Variants in PIP5K1C observed in about 807,000 individuals in gnomAD.
The protein encoded by PIP5K1C is phosphatidylinositol-4-phosphate 5-kinase type 1 gamma.
A neutral mutation model predicts 80.1 loss-of-function variants in PIP5K1C; 45 were observed. The ratio of observed to expected loss-of-function variants is 0.56; its 90% CI spans 0.44 to 0.72. The LOEUF is 0.72. Among genes scored for constraint, PIP5K1C ranks in the 30% least tolerant of loss-of-function variants. PIP5K1C has a pLI of 0.00. For missense variants in PIP5K1C, 753 were observed against 954.6 expected (o/e 0.79, Z 2.78); for synonymous variants, 498 against 420.1 (o/e 1.19, Z -2.27).
chr19:3,661,298 A>G (rs921622494), intron 4 of PIP5K1C, among the ~76,000 whole-genome samples: 11 of 141,132 alleles, frequency 7.8e-5, no homozygotes, highest in Non-Finnish European at 7.8e-5. Context: ...AACGGGGCCC[A>G]CAGTGTTGGC....
chr19:3,682,781 G>A lies in PIP5K1C; in HGVS notation c.95-15428C>T, dbSNP rs369247817. On this transcript the variant is annotated intron_variant, in intron 1 of 17. Transcript: ENST00000335312. ...TTGAGCCTTCAGAGGAGGCAGTCCC[G>A]GCTGACAGCTTCACCACAGCCTCAT... is the stretch of plus-strand genomic sequence containing the variant. 3.2e-4 allele frequency among the ~76,000 whole-genome samples: 49 copies of A among 152,274 alleles called. No individual in the cohort carries two copies. In the East Asian group the frequency reaches 8.1e-3, roughly 25 times the overall value.
intron 1 of PIP5K1C, chr19:3,672,465 A>G (rs1196240119): frequency 6.6e-6 from 1 of 152,358 alleles, no homozygotes; most frequent in Non-Finnish European, 1.5e-5. Flanking sequence ...TGACCCATGG[A>G]CTGACAGATA....
At chr19:3,640,515 C>T (rs905568499) in intron 15 of PIP5K1C, among the ~76,000 whole-genome samples, 2 of 152,066 alleles carry the variant, frequency 1.3e-5, no homozygotes, top group African/African-American at 4.8e-5. Flanking sequence ...GATTCTGTCT[C>T]AAAGAAAATA....
intron 1 of PIP5K1C, among the ~76,000 whole-genome samples, chr19:3,683,509 C>T (rs2035654316): frequency 6.6e-6 from 1 of 152,242 alleles, no homozygotes; most frequent in Non-Finnish European, 1.5e-5. Context: ...ATGAGAACCC[C>T]ATGGCTTAGT....
At position 3,651,140 on chromosome 19, in the gene PIP5K1C, C is replaced by T. The variant is rs139253844; in HGVS notation, c.1127+686G>A. 6.5e-3 allele frequency among the ~76,000 whole-genome samples: 981 copies of T among 151,364 alleles called. 20 individuals are homozygous for T. The highest frequency in any genetic ancestry group is 0.023 in the African/African-American group (928 of 41,192). On this transcript the variant is annotated intron_variant, in intron 8 of 17. Coordinates refer to ENST00000335312, the MANE Select transcript of PIP5K1C (RefSeq NM_012398.3). The stretch of plus-strand genomic sequence containing the variant: ...TGTGATCTTGGCTCACTGCAACCTC[C>T]GCCTGCCACGCTCACGCCTGCCACG...
At chr19:3,676,242 C>A (rs958930409) in intron 1 of PIP5K1C, among the ~76,000 whole-genome samples, 1 of 152,174 alleles carries the variant, frequency 6.6e-6, no homozygotes, top group Non-Finnish European at 1.5e-5. Flanking sequence ...TGGTCCCCAC[C>A]GGGAAGTGAT....
chr19:3,667,297 C>T (rs749579794), intron 2 of PIP5K1C, 25 bp downstream of exon 2: 11 of 1,609,606 alleles, frequency 6.8e-6, no homozygotes, highest in Admixed American at 1.7e-5. Flanking sequence ...GGACCCCAGG[C>T]CCTTCGTCCG....
chr19:3,681,477 C>T (rs2035587085), intron 1 of PIP5K1C, among the ~76,000 whole-genome samples: 1 of 152,004 alleles, frequency 6.6e-6, no homozygotes. Context: ...GGTGATCCAC[C>T]CACCTCGGCC....
chr19:3,647,108 TGGG>T (rs373083652), intron 10 of PIP5K1C, among the ~76,000 whole-genome samples: 116 of 11,536 alleles, frequency 0.01, no homozygotes, highest in Non-Finnish European at 0.013. Context: ...GGAGGAGGGA[TGGG>T]GGGAGGGTGC....
intron 1 of PIP5K1C, among the ~76,000 whole-genome samples, chr19:3,689,778 A>C (rs1052168646): frequency 6.6e-6 from 1 of 151,930 alleles, no homozygotes; most frequent in Non-Finnish European, 1.5e-5. Context: ...CGCACACGCT[A>C]ACACACACAC....
intron 1 of PIP5K1C, among the ~76,000 whole-genome samples, chr19:3,670,085 C>T (rs1467285489): frequency 6.8e-6 from 1 of 147,042 alleles, no homozygotes; most frequent in Non-Finnish European, 1.5e-5. Context: ...CGGTCAGGAA[C>T]CTGGGGCAGG....
At chr19:3,653,705 C>G in intron 6 of PIP5K1C, 116 bp from the exon 7 acceptor site, 1 of 994,100 alleles carries the variant, frequency 1.0e-6, no homozygotes, top group Admixed American at 2.7e-5. Context: ...GCCCCCCTCT[C>G]TCCCCAGAAG....
At chr19:3,663,816 G>A (rs992818753) in intron 3 of PIP5K1C, among the ~76,000 whole-genome samples, 3 of 152,188 alleles carry the variant, frequency 2.0e-5, no homozygotes, top group African/African-American at 7.2e-5. Flanking sequence ...AACAGTTTGC[G>A]AGTTTCTCAA....
intron 12 of PIP5K1C, among the ~76,000 whole-genome samples, 184 bp downstream of exon 12, chr19:3,643,903 A>G (rs900939890): frequency 6.6e-6 from 1 of 151,902 alleles, no homozygotes; most frequent in Admixed American, 6.5e-5. Context: ...TTCTATACTC[A>G]GCTCCCCCTG....
chr19:3,685,330 A>C (rs1377767485), intron 1 of PIP5K1C, among the ~76,000 whole-genome samples: 1 of 152,216 alleles, frequency 6.6e-6, no homozygotes, highest in Non-Finnish European at 1.5e-5. Flanking sequence ...CACAGGTAAA[A>C]AGACAGGAGT....
At position 3,696,295 on chromosome 19, in the gene PIP5K1C, T is replaced by C. The variant is rs182633048; in HGVS notation, c.94+4002A>G. Among the ~76,000 whole-genome samples, 522 of 152,344 alleles carry C rather than the reference T, an allele frequency of 3.4e-3. 3 individuals are homozygous for C. Among genetic ancestry groups the C allele is most frequent in the African/African-American group, 0.012 (508 of 41,588 alleles). The stretch of plus-strand genomic sequence containing the variant: ...CATGCACCTGATGTTCACCAGGATC[T>C]GCACTGTGCTGAGCTCTTCCGGGCG... On this transcript the variant is annotated intron_variant, in intron 1 of 17. Transcript: ENST00000335312. This position sits in a 1 kb window ranked among gnomAD's most constrained non-coding sequence, Gnocchi z 4.1.
chr19:3,639,472 G>A (rs940232501), intron 15 of PIP5K1C, among the ~76,000 whole-genome samples: 2 of 152,146 alleles, frequency 1.3e-5, no homozygotes, highest in Admixed American at 6.5e-5. Context: ...GGCTCCATCA[G>A]CCAGGCTGGC....
intron 3 of PIP5K1C, among the ~76,000 whole-genome samples, chr19:3,662,917 AGTG>A (rs570197164): frequency 1.7e-3 from 259 of 152,314 alleles, no homozygotes; most frequent in African/African-American, 5.6e-3. Flanking sequence ...GCTGGAATGC[AGTG>A]GTGCGATCTT....
chr19:3,660,851 AC>A, intron 5 of PIP5K1C, 114 bp downstream of exon 5: 1 of 788,616 alleles, frequency 1.3e-6, no homozygotes, highest in Non-Finnish European at 2.2e-6. Context: ...CCTGACCATA[AC>A]CCTACACGAG....
Sources: allele counts gnomAD v4.1 joint callset (sites outside exome capture counted in the v4.1 genomes callset), GRCh38; gene constraint gnomAD v4.1.1; non-coding constraint Gnocchi (gnomAD v3.1); transcripts MANE v1.5; gene names NCBI Gene and HGNC (gene_info 2026-07-23, HGNC 2026-07-21).